Variants in TOPAZ1 observed in about 807,000 individuals in gnomAD.
TOPAZ1 encodes protein TOPAZ1.
A neutral mutation model predicts 172.2 loss-of-function variants in TOPAZ1; 66 were observed. That is an observed-to-expected ratio of 0.38 (90% confidence interval 0.31 to 0.47). The LOEUF is 0.47. Among genes scored for constraint, TOPAZ1 ranks in the 20% least tolerant of loss-of-function variants. The pLI is 0.99. For synonymous variants in TOPAZ1, 681 were observed against 683.9 expected (o/e 1.00, Z 0.07); for missense variants, 1,822 against 1,972.4 (o/e 0.92, Z 1.44).
chr3:44,276,936 A>G (rs769080984), intron 8 of TOPAZ1, among the ~76,000 whole-genome samples: 1 of 151,668 alleles, frequency 6.6e-6, no homozygotes, highest in African/African-American at 2.4e-5. Flanking sequence ...GACTACAGCC[A>G]TATGTCACCA....
At chr3:44,246,878 C>T (rs1699572994) in intron 2 of TOPAZ1, among the ~76,000 whole-genome samples, 1 of 152,166 alleles carries the variant, frequency 6.6e-6, no homozygotes, top group South Asian at 2.1e-4. Context: ...AACTGTTATA[C>T]CATACTTCCT....
At chr3:44,320,366 G>A (rs1479204374) in intron 16 of TOPAZ1, among the ~76,000 whole-genome samples, 1 of 152,228 alleles carries the variant, frequency 6.6e-6, no homozygotes, top group Admixed American at 6.5e-5. Context: ...GGGAGGCCAA[G>A]GTGGGCCAAT....
In TOPAZ1 at chr3:44,245,178, T is replaced by A; in HGVS notation, c.2672T>A (p.Ile891Lys). 6.4e-7 allele frequency: 1 copy of A among 1,551,898 alleles called. No homozygotes were observed. The highest frequency in any genetic ancestry group is 8.7e-7 in the Non-Finnish European group (1 of 1,147,040). Residue 891 changes from isoleucine (I) to lysine (K), a missense_variant, in exon 2 of 20, where the codon ATA (isoleucine) becomes AAA (lysine). Physicochemically the swap from Ile to Lys is moderately radical, Grantham distance 102. Transcript: ENST00000309765. ...ELSFTSEVPK[I>K]SQEPNVAGEH... ...TCATTTACTTCTGAGGTCCCAAAGA[T>A]AAGCCAGGAGCCCAATGTTGCTGGA...
intron 12 of TOPAZ1, among the ~76,000 whole-genome samples, chr3:44,292,234 C>T (rs1333909895): frequency 6.6e-6 from 1 of 152,076 alleles, no homozygotes; most frequent in Non-Finnish European, 1.5e-5. Context: ...TTCATGTTTT[C>T]CATGAAAATT....
At chr3:44,285,980 G>A (rs1247843671) in intron 9 of TOPAZ1, among the ~76,000 whole-genome samples, 3 of 151,932 alleles carry the variant, frequency 2.0e-5, no homozygotes, top group Non-Finnish European at 2.9e-5. Context: ...AGGCCAAGGC[G>A]GGCAGATCAC....
intron 8 of TOPAZ1, among the ~76,000 whole-genome samples, chr3:44,271,464 T>C (rs1456881765): frequency 1.3e-5 from 2 of 152,202 alleles, no homozygotes; most frequent in African/African-American, 4.8e-5. Context: ...CCCTATATTC[T>C]ATGGGATTCT....
intron 8 of TOPAZ1, among the ~76,000 whole-genome samples, chr3:44,275,157 G>A (rs1391307357): frequency 6.6e-6 from 1 of 151,944 alleles, no homozygotes; most frequent in African/African-American, 2.4e-5. Context: ...AATCAAGTCA[G>A]GGTATTTGGT....
intron 12 of TOPAZ1, among the ~76,000 whole-genome samples, chr3:44,296,880 A>AG (rs1344794212): frequency 6.6e-6 from 1 of 150,582 alleles, no homozygotes; most frequent in Non-Finnish European, 1.5e-5. Context: ...AAAAAAGAAA[A>AG]GCAAATTACG....
intron 12 of TOPAZ1, among the ~76,000 whole-genome samples, chr3:44,298,925 T>TG (rs1378732583): frequency 6.0e-5 from 3 of 49,864 alleles, no homozygotes; most frequent in African/African-American, 2.1e-4. Context: ...TTTTTTTTTT[T>TG]TTTTTTTTTC....
intron 8 of TOPAZ1, among the ~76,000 whole-genome samples, chr3:44,271,711 T>C (rs1242979685): frequency 1.3e-5 from 2 of 152,176 alleles, no homozygotes; most frequent in Admixed American, 6.5e-5. Flanking sequence ...TAAATCAAGC[T>C]AATTAACATA....
chr3:44,332,123 TA>T (rs1700678084), downstream of TOPAZ1: 5 of 697,588 alleles, frequency 7.2e-6, no homozygotes, highest in Non-Finnish European at 1.2e-5. Flanking sequence ...TTTATTGACT[TA>T]CAGCAAGTTA....
chr3:44,334,402 T>A (rs1279884035), downstream of TOPAZ1, among the ~76,000 whole-genome samples: 1 of 152,158 alleles, frequency 6.6e-6, no homozygotes, highest in African/African-American at 2.4e-5. Context: ...AGGGGATAAG[T>A]CACATTTTTC....
intron 15 of TOPAZ1, 64 bp downstream of exon 15, chr3:44,306,490 AAT>A: frequency 1.1e-6 from 1 of 939,610 alleles, no homozygotes; most frequent in Non-Finnish European, 1.6e-6. Context: ...TTATGAACAG[AAT>A]ATAAGTTAAC....
chr3:44,267,247 G>T, intron 6 of TOPAZ1, 111 bp downstream of exon 6: 14 of 736,268 alleles, frequency 1.9e-5, no homozygotes, highest in Admixed American at 4.0e-5. Context: ...GAATCATGTA[G>T]AATATGTTAA....
intron 1 of TOPAZ1, 137 bp downstream of exon 1, chr3:44,242,536 G>T (rs1699497688): frequency 8.0e-6 from 8 of 996,524 alleles, no homozygotes; most frequent in African/African-American, 1.7e-5. Context: ...TGGGAAAAAT[G>T]GATTTCCTTA....
At chr3:44,282,397 G>A (rs1407445302) in intron 9 of TOPAZ1, among the ~76,000 whole-genome samples, 1 of 152,164 alleles carries the variant, frequency 6.6e-6, no homozygotes, top group Non-Finnish European at 1.5e-5. Context: ...CTTGTAGCCA[G>A]TGTACCATCC....
At chr3:44,268,363 A>ATTTTTTTT (rs1293339613) in intron 6 of TOPAZ1, among the ~76,000 whole-genome samples, 1 of 91,758 alleles carries the variant, frequency 1.1e-5, no homozygotes, top group Non-Finnish European at 2.2e-5. Flanking sequence ...TGTGGTGCCT[A>ATTTTTTTT]TTCTTTTTTT....
At chr3:44,246,802 A>C (rs1435320521) in intron 2 of TOPAZ1, among the ~76,000 whole-genome samples, 2 of 152,186 alleles carry the variant, frequency 1.3e-5, no homozygotes. Flanking sequence ...GTAAAAAGGG[A>C]AAGTACTTGC....
intron 15 of TOPAZ1, among the ~76,000 whole-genome samples, chr3:44,307,619 T>A (rs910998248): frequency 1.3e-5 from 2 of 152,018 alleles, no homozygotes; most frequent in Non-Finnish European, 2.9e-5. Context: ...GAGTAGAGAG[T>A]GTGGTCACTA....
Sources: gnomAD v4.1 joint callset for allele counts (sites outside exome capture counted in the v4.1 genomes callset) on GRCh38, gnomAD v4.1.1 for gene constraint, MANE v1.5 for transcripts, NCBI Gene and HGNC (gene_info 2026-07-23, HGNC 2026-07-21) for gene names.